Variants in CTNND2 observed in about 807,000 individuals in gnomAD.
The protein encoded by CTNND2 is catenin delta-2.
In CTNND2, 22 loss-of-function variants were observed where a neutral mutation model predicts 144.4. The ratio of observed to expected loss-of-function variants is 0.15; its 90% CI spans 0.11 to 0.22. CTNND2 has a LOEUF of 0.22. Ranked by LOEUF, CTNND2 falls within the 10% of genes least tolerant of loss-of-function variation. The pLI, the probability that CTNND2 is intolerant of heterozygous loss-of-function variation, is 1.00. For synonymous variants in CTNND2, 751 were observed against 695.6 expected, an observed-to-expected ratio of 1.08 and a Z score of -1.25; for missense variants, 1,353 against 1,618.8, an observed-to-expected ratio of 0.84 and a Z score of 2.82.
chr5:11,695,026 T>C (rs780677235), intron 2 of CTNND2, among the ~76,000 whole-genome samples: 14 of 152,264 alleles, frequency 9.2e-5, no homozygotes, highest in Non-Finnish European at 1.6e-4. Context: ...TCAATGAATG[T>C]TGTTAGGGTT....
At chr5:11,326,414 T>A (rs1214701506) in intron 9 of CTNND2, among the ~76,000 whole-genome samples, 1 of 151,840 alleles carries the variant, frequency 6.6e-6, no homozygotes, top group Non-Finnish European at 1.5e-5. Context: ...GAAAAGAGAG[T>A]CAGGGAAGGG....
At chr5:11,364,413 G>A (rs561444282) in intron 8 of CTNND2, among the ~76,000 whole-genome samples, 5 of 152,286 alleles carry the variant, frequency 3.3e-5, no homozygotes, top group Non-Finnish European at 7.3e-5. Flanking sequence ...AGTGAATAAC[G>A]ATGGGCTTAA....
At chr5:11,232,327 G>A (rs939070991) in intron 10 of CTNND2, among the ~76,000 whole-genome samples, 2 of 34,974 alleles carry the variant, frequency 5.7e-5, no homozygotes, top group African/African-American at 2.2e-4. Flanking sequence ...GCCTGGAAAA[G>A]CTGCAGACAC....
At chr5:11,774,010 T>C (rs1264025224) in intron 1 of CTNND2, among the ~76,000 whole-genome samples, 1 of 152,092 alleles carries the variant, frequency 6.6e-6, no homozygotes, top group African/African-American at 2.4e-5. Context: ...AAACATGTTG[T>C]CAAGAAAGAA....
chr5:11,125,290 C>T (rs1754567511), intron 12 of CTNND2, among the ~76,000 whole-genome samples: 1 of 152,218 alleles, frequency 6.6e-6, no homozygotes, highest in Non-Finnish European at 1.5e-5. Context: ...GTCTGTCCAT[C>T]CCCTTCATTC....
intron 1 of CTNND2, among the ~76,000 whole-genome samples, chr5:11,802,131 T>C (rs917341396): frequency 6.6e-6 from 1 of 151,484 alleles, no homozygotes; most frequent in Admixed American, 6.6e-5. Context: ...AAATTAGCCA[T>C]GTGTGGTGGC....
chr5:11,446,016 G>A (rs1006296612), intron 3 of CTNND2, among the ~76,000 whole-genome samples: 1 of 152,290 alleles, frequency 6.6e-6, no homozygotes, highest in East Asian at 1.9e-4. Context: ...CTGTCACCCA[G>A]GGTGGAGTGC....
chr5:11,024,295 AG>A (rs1742595068), intron 16 of CTNND2, among the ~76,000 whole-genome samples: 1 of 152,194 alleles, frequency 6.6e-6, no homozygotes, highest in African/African-American at 2.4e-5. Flanking sequence ...GAAATAGAAA[AG>A]TGTGTTCATT....
intron 1 of CTNND2, among the ~76,000 whole-genome samples, chr5:11,814,504 T>C (rs1792520538): frequency 6.6e-6 from 1 of 152,170 alleles, no homozygotes; most frequent in Non-Finnish European, 1.5e-5. Context: ...TTGCAAGAAA[T>C]GGTGACAGCA....
At chr5:11,288,524 C>T (rs1018367620) in intron 9 of CTNND2, among the ~76,000 whole-genome samples, 2 of 152,086 alleles carry the variant, frequency 1.3e-5, no homozygotes, top group African/African-American at 4.8e-5. Flanking sequence ...TATCATAAAC[C>T]TATACCGTGG....
intron 1 of CTNND2, among the ~76,000 whole-genome samples, chr5:11,831,829 C>T (rs892728296): frequency 6.6e-6 from 1 of 152,004 alleles, no homozygotes; most frequent in African/African-American, 2.4e-5. Context: ...TGAAAAGAAC[C>T]TCATATCACT....
At chr5:11,528,491 G>A (rs573620034) in intron 3 of CTNND2, among the ~76,000 whole-genome samples, 1 of 152,154 alleles carries the variant, frequency 6.6e-6, no homozygotes, top group Non-Finnish European at 1.5e-5. Flanking sequence ...AAAAGTCAAA[G>A]TAATTGAAAT....
At chr5:11,305,605 T>C (rs770567788) in intron 9 of CTNND2, among the ~76,000 whole-genome samples, 2 of 152,222 alleles carry the variant, frequency 1.3e-5, no homozygotes, top group Non-Finnish European at 2.9e-5. Flanking sequence ...CCTCAGTGTC[T>C]GCTATGAGCC....
intron 2 of CTNND2, among the ~76,000 whole-genome samples, chr5:11,671,312 A>C (rs1783863661): frequency 6.6e-6 from 1 of 152,026 alleles, no homozygotes; most frequent in Non-Finnish European, 1.5e-5. Context: ...CCTGAATTTG[A>C]ATGTTGGCCT....
intron 3 of CTNND2, among the ~76,000 whole-genome samples, chr5:11,480,642 A>ATGTGTGTG (rs1491158593): frequency 9.9e-5 from 8 of 80,466 alleles, no homozygotes; most frequent in African/African-American, 3.9e-4. Context: ...TTGAAAATAC[A>ATGTGTGTG]TATATGTGTG....
chr5:11,643,441 T>C (rs1782174802), intron 2 of CTNND2, among the ~76,000 whole-genome samples: 1 of 140,822 alleles, frequency 7.1e-6, no homozygotes, highest in African/African-American at 2.6e-5. Context: ...TGTGTCCACG[T>C]GTTCTCATTG....
intron 1 of CTNND2, among the ~76,000 whole-genome samples, chr5:11,902,229 C>T (rs929426546): frequency 1.3e-5 from 2 of 152,196 alleles, no homozygotes; most frequent in African/African-American, 4.8e-5. Context: ...TCCCCAACAA[C>T]AGTAGGAACA....
rs185812550 is a variant in CTNND2, at chr5:11,636,282, T to C, written c.175-71226A>G. Among the ~76,000 whole-genome samples, 8 of 152,296 alleles carry C rather than the reference T, an allele frequency of 5.3e-5. No homozygotes were observed. The East Asian group carries it at 1.2e-3, about 22-fold the overall frequency. On this transcript the variant is annotated intron_variant, in intron 2 of 21. Transcript: ENST00000304623. ...TCTCAAACCTCTGCCCGCTCCAGAATCATTGTTCAGTAGCTGTACCTGGAA... is the reference window on the plus strand; with the variant it reads ...TCTCAAACCTCTGCCCGCTCCAGAACCATTGTTCAGTAGCTGTACCTGGAA...
At chr5:11,106,661 T>G (rs1752455514) in intron 14 of CTNND2, among the ~76,000 whole-genome samples, 1 of 152,158 alleles carries the variant, frequency 6.6e-6, no homozygotes, top group Admixed American at 6.5e-5. Context: ...GGTAAGAGAC[T>G]CCTCCTCACA....
Sources: gnomAD v4.1 joint callset for allele counts (sites outside exome capture counted in the v4.1 genomes callset) on GRCh38, gnomAD v4.1.1 for gene constraint, MANE v1.5 for transcripts, NCBI Gene and HGNC (gene_info 2026-07-23, HGNC 2026-07-21) for gene names.